The following NT5DC2 variants were observed in gnomAD, a reference collection of about 807,000 sequenced individuals.
NT5DC2 encodes 5'-nucleotidase domain containing 2.
In NT5DC2, 41 loss-of-function variants were observed where a neutral mutation model predicts 70.0. The observed-to-expected ratio is 0.59, with a 90% confidence interval of 0.46 to 0.76. The LOEUF is 0.76. Ranked by LOEUF, NT5DC2 falls within the 30% of genes least tolerant of loss-of-function variation. NT5DC2 has a pLI of 0.00. For missense variants in NT5DC2, 705 were observed against 783.2 expected (o/e 0.90, Z 1.19); for synonymous variants, 299 against 310.4 (o/e 0.96, Z 0.39).
At chr3:52,534,906 G>C (rs560740542), upstream of NT5DC2, 14 of 496,318 alleles carry the variant, frequency 2.8e-5, no homozygotes, top group East Asian at 5.4e-4. Flanking sequence ...GGATGGGCTC[G>C]AGTGTGGCGG....
chr3:52,534,559 C>T (rs750156849), upstream of NT5DC2: 49 of 1,613,508 alleles, frequency 3.0e-5, no homozygotes, highest in East Asian at 1.1e-3. Flanking sequence ...TCCCGGCGCA[C>T]GCCCCTCGTG....
chr3:52,534,808 G>A, upstream of NT5DC2: 1 of 887,156 alleles, frequency 1.1e-6, no homozygotes. Flanking sequence ...TTCAGGGTGT[G>A]TGTACATTCG....
rs1559732411 is a variant in NT5DC2, at chr3:52,524,456, C to CA, written c.*13dup. On this transcript the variant is annotated 3_prime_UTR_variant, in exon 14 of 14. Coordinates refer to ENST00000422318, the MANE Select transcript of NT5DC2 (RefSeq NM_001134231.2). ...GGAGGGGCTGAGGGCCTGTCCCAGACAATAAAGGTGCCCTCAGCGGATGTG... is the reference window on the plus strand; with the variant it reads ...GGAGGGGCTGAGGGCCTGTCCCAGACAAATAAAGGTGCCCTCAGCGGATGTG... 1 of 1,612,670 alleles carries CA rather than the reference C, an allele frequency of 6.2e-7. No homozygotes were observed. The highest frequency in any genetic ancestry group is 8.5e-7 in the Non-Finnish European group (1 of 1,179,890).
intron 10 of NT5DC2, 73 bp downstream of exon 10, chr3:52,527,221 C>T: frequency 2.2e-6 from 3 of 1,395,062 alleles, no homozygotes; most frequent in South Asian, 2.3e-5. Context: ...TCAGAGGCTG[C>T]CTCTGCACAG....
chr3:52,533,715 GC>G lies in NT5DC2; in HGVS notation c.22del (p.Ala8ArgfsTer81). On this transcript the variant is annotated frameshift_variant, in exon 1 of 14. Coordinates refer to ENST00000422318, the MANE Select transcript of NT5DC2 (RefSeq NM_001134231.2). LOFTEE classifies it high-confidence loss of function. Reference sequence around the variant, plus strand: ...GCACAGCAGCCAGCGCCGAGCGGCCGCCCGCAGCCCCGCACCCGCCATGCCC... The same window carrying G: ...GCACAGCAGCCAGCGCCGAGCGGCCGCCGCAGCCCCGCACCCGCCATGCCC... MAGAGLR[A>X]AARRWLLCGG... 1 of 999,518 alleles carries G rather than the reference GC, an allele frequency of 1.0e-6. No homozygotes were observed. Among genetic ancestry groups the G allele is most frequent in the African/African-American group, 1.8e-5 (1 of 57,078 alleles). 61.9% of individuals were successfully genotyped at this position (999,518 alleles called of 1,614,324 possible).
chr3:52,524,922 G>C, intron 12 of NT5DC2, 41 bp from the exon 13 acceptor site: 1 of 1,611,892 alleles, frequency 6.2e-7, no homozygotes, highest in East Asian at 2.2e-5. Flanking sequence ...GCACCCAGGA[G>C]GCTACCGCCC....
rs2153236849 is a variant in NT5DC2, at chr3:52,528,171, C to T, written c.771+12G>A. On this transcript the variant is annotated intron_variant, in intron 6 of 13. Transcript: ENST00000422318. Reference sequence around the variant, plus strand: ...CTTTCCTGCCATCCGAGGGCAGGCCCAGCATCCTCACCGTCACGTCCTTGT... The same window carrying T: ...CTTTCCTGCCATCCGAGGGCAGGCCTAGCATCCTCACCGTCACGTCCTTGT... 6.2e-7 allele frequency: 1 copy of T among 1,613,102 alleles called. No individual in the cohort carries two copies. Among genetic ancestry groups the T allele is most frequent in the Non-Finnish European group, 8.5e-7 (1 of 1,180,034 alleles).
intron 1 of NT5DC2, among the ~76,000 whole-genome samples, chr3:52,533,008 A>C (rs1446184339): frequency 6.6e-6 from 1 of 152,120 alleles, no homozygotes; most frequent in African/African-American, 2.4e-5. Context: ...GCCCGGGCTG[A>C]GAGGGGGCCG....
chr3:52,534,694 C>T (rs1315547390), upstream of NT5DC2: 4 of 1,574,460 alleles, frequency 2.5e-6, no homozygotes, highest in South Asian at 1.2e-5. Context: ...GCACGCATAC[C>T]AGGCTGTGCT....
chr3:52,532,527 C>A, intron 1 of NT5DC2: 2 of 984,358 alleles, frequency 2.0e-6, no homozygotes, highest in Non-Finnish European at 2.4e-6. Flanking sequence ...AAACCCCTGT[C>A]TAGCCAGTTA....
rs1416437854 is a variant in NT5DC2, at chr3:52,533,848, G to A, written c.-111C>T. 13 of 980,346 alleles carry A rather than the reference G, an allele frequency of 1.3e-5. No individual in the cohort carries two copies. Among genetic ancestry groups the A allele is most frequent in the Non-Finnish European group, 1.6e-5 (13 of 827,550 alleles). 60.7% of individuals were successfully genotyped at this position (980,346 alleles called of 1,614,324 possible). On this transcript the variant is annotated 5_prime_UTR_variant, in exon 1 of 14. Transcript: ENST00000422318. ...CGGTGGCCTCGTGCTCCTCACGGCGGCCGGCCAATGGGTGCGGCGCGCGGA... is the reference window on the plus strand; with the variant it reads ...CGGTGGCCTCGTGCTCCTCACGGCGACCGGCCAATGGGTGCGGCGCGCGGA...
Position 52,531,894 on chromosome 3 carries a change from G to A in NT5DC2, c.232+1612C>T, listed in dbSNP as rs980953521. Among the ~76,000 whole-genome samples, 5 of 152,176 alleles carry A rather than the reference G, an allele frequency of 3.3e-5. No homozygotes were observed. The highest frequency in any genetic ancestry group is 4.8e-5 in the African/African-American group (2 of 41,434). ...AGTCCCACTTATTCCCCCATCGTCC[G>A]GAGGAAGAAACTGGGGCTCAGGGAG... On this transcript the variant is annotated intron_variant, in intron 1 of 13. Transcript: ENST00000422318. This position sits in a 1 kb window ranked among gnomAD's most constrained non-coding sequence, Gnocchi z 4.1.
upstream of NT5DC2, chr3:52,534,929 C>G: frequency 2.3e-6 from 1 of 436,718 alleles, no homozygotes; most frequent in South Asian, 2.7e-5. Context: ...TCCCCAGGGC[C>G]CCAGTGAGCA....
chr3:52,527,339 C>G lies in NT5DC2; in HGVS notation c.1074G>C (p.Gln358His). Reference protein sequence around the residue: ...FRKLDEKGSLQWDRITRLEKG... With the variant: ...FRKLDEKGSLHWDRITRLEKG... ...TTTCCAAGCGGGTGATCCGGTCCCACTGAAGTGAGCCCTTCTCATCGAGTT... is the reference window on the plus strand; with the variant it reads ...TTTCCAAGCGGGTGATCCGGTCCCAGTGAAGTGAGCCCTTCTCATCGAGTT... Residue 358 changes from glutamine (Q) to histidine (H), a missense_variant, in exon 10 of 14, where the codon CAG (glutamine) becomes CAC (histidine). By Grantham distance (24) the Gln-to-His change is conservative (BLOSUM62 0). Coordinates refer to ENST00000422318, the MANE Select transcript of NT5DC2 (RefSeq NM_001134231.2). 1 of 1,614,182 alleles carries G rather than the reference C, an allele frequency of 6.2e-7. No individual in the cohort carries two copies. The highest frequency in any genetic ancestry group is 8.5e-7 in the Non-Finnish European group (1 of 1,180,030).
In NT5DC2 at chr3:52,529,077, T is replaced by G. The variant is rs2079324202; in HGVS notation, c.417+73A>C. 1.2e-6 allele frequency: 2 copies of G among 1,602,374 alleles called. No individual in the cohort carries two copies. Among genetic ancestry groups the G allele is most frequent in the South Asian group, 2.2e-5 (2 of 90,530 alleles). ...CCAGGGGAGCCCCACGACTCAGCCCTGAGCTTAGGCCAAGGTGGGTCTGGC... is the reference window on the plus strand; with the variant it reads ...CCAGGGGAGCCCCACGACTCAGCCCGGAGCTTAGGCCAAGGTGGGTCTGGC... On this transcript the variant is annotated intron_variant, in intron 2 of 13. Coordinates refer to ENST00000422318, the MANE Select transcript of NT5DC2 (RefSeq NM_001134231.2). The surrounding 1 kb of genome is among the most constrained non-coding windows in gnomAD (Gnocchi z 4.1).
At chr3:52,534,416 G>A, upstream of NT5DC2, 1 of 1,551,390 alleles carries the variant, frequency 6.4e-7, no homozygotes, top group Non-Finnish European at 8.8e-7. Context: ...GGGAGGCCGA[G>A]GGGCCTGCAG....
intron 10 of NT5DC2, chr3:52,526,511 C>T (rs1162811241): frequency 3.9e-5 from 6 of 152,330 alleles, no homozygotes; most frequent in Non-Finnish European, 8.8e-5. Flanking sequence ...CCCACCTCAA[C>T]ACCAGTCCCT....
At position 52,533,785 on chromosome 3, in the gene NT5DC2, C is replaced by CGCCCGCA. The variant is rs1264996507; in HGVS notation, c.-49_-48insTGCGGGC. On this transcript the variant is annotated 5_prime_UTR_variant, in exon 1 of 14. Coordinates refer to ENST00000422318, the MANE Select transcript of NT5DC2 (RefSeq NM_001134231.2). ...CCCGCGCTGCCCTCGGCCAGCCCGC[C>CGCCCGCA]GCCCGCCGCCCGCCGCCCTCCGACT... 1 of 964,628 alleles carries CGCCCGCA rather than the reference C, an allele frequency of 1.0e-6. No homozygotes were observed. Among genetic ancestry groups the CGCCCGCA allele is most frequent in the African/African-American group, 1.8e-5 (1 of 55,182 alleles). 59.8% of individuals were successfully genotyped at this position (964,628 alleles called of 1,614,324 possible).
intron 1 of NT5DC2, 122 bp downstream of exon 1, chr3:52,533,384 G>A (rs1026422964): frequency 4.0e-5 from 44 of 1,091,570 alleles, no homozygotes; most frequent in Non-Finnish European, 5.4e-5. Context: ...CGGCCCTTGC[G>A]CTCCGGGGCC....
Sources: gnomAD v4.1 joint callset for allele counts (sites outside exome capture counted in the v4.1 genomes callset) on GRCh38, gnomAD v4.1.1 for gene constraint, Gnocchi (gnomAD v3.1) non-coding constraint, MANE v1.5 for transcripts, NCBI Gene and HGNC (gene_info 2026-07-23, HGNC 2026-07-21) for gene names.